NPEPPS: variants seen among roughly 807,000 people sequenced by gnomAD.
The protein encoded by NPEPPS is aminopeptidase puromycin sensitive, also known as puromycin-sensitive aminopeptidase.
A neutral mutation model predicts 115.5 loss-of-function variants in NPEPPS; 14 were observed. The observed-to-expected ratio is 0.12, with a 90% CI of 0.08 to 0.19. The LOEUF is 0.19. Among genes scored for constraint, NPEPPS ranks in the 10% least tolerant of loss-of-function variants. NPEPPS has a pLI of 1.00. For missense variants in NPEPPS, 523 were observed against 1,110.8 expected (o/e 0.47, Z 7.52); for synonymous variants, 285 against 390.6 (o/e 0.73, Z 3.19).
At chr17:47,533,012 A>G (rs1358032743) in intron 1 of NPEPPS, among the ~76,000 whole-genome samples, 1 of 152,200 alleles carries the variant, frequency 6.6e-6, no homozygotes, top group Non-Finnish European at 1.5e-5. Flanking sequence ...CTTAAAGAAC[A>G]TGGTGTATAT....
chr17:47,547,680 C>T (rs1909315011), intron 2 of NPEPPS, among the ~76,000 whole-genome samples: 2 of 152,058 alleles, frequency 1.3e-5, no homozygotes. Context: ...TTGATTTCAC[C>T]TAGACATTCC....
intron 19 of NPEPPS, among the ~76,000 whole-genome samples, chr17:47,616,489 G>A (rs904453014): frequency 1.1e-4 from 17 of 152,008 alleles, no homozygotes; most frequent in African/African-American, 4.1e-4. Flanking sequence ...TTCAAGACCA[G>A]CCTGGCCCAA....
intron 2 of NPEPPS, among the ~76,000 whole-genome samples, chr17:47,547,805 T>G (rs1398793268): frequency 2.0e-5 from 3 of 152,008 alleles, no homozygotes; most frequent in Non-Finnish European, 4.4e-5. Context: ...GGCGGGTGGA[T>G]CACAAGGTCA....
At chr17:47,594,589 ATTTT>A (rs1458693872) in intron 12 of NPEPPS, among the ~76,000 whole-genome samples, 2 of 115,194 alleles carry the variant, frequency 1.7e-5, no homozygotes, top group Non-Finnish European at 3.6e-5. Context: ...TTTGTATTTT[ATTTT>A]ATGTTATGTT....
intron 20 of NPEPPS, among the ~76,000 whole-genome samples, chr17:47,618,725 C>T (rs1291491049): frequency 6.6e-6 from 1 of 152,202 alleles, no homozygotes; most frequent in Admixed American, 6.5e-5. Context: ...TGGCTTATGC[C>T]TTTGCTTACT....
chr17:47,574,744 C>G (rs2644366), intron 3 of NPEPPS, among the ~76,000 whole-genome samples: 46 of 152,196 alleles, frequency 3.0e-4, no homozygotes, highest in African/African-American at 8.2e-4. Flanking sequence ...ACACATGACA[C>G]TGCATCTGGT....
chr17:47,612,790 G>C (rs1482466372), intron 18 of NPEPPS, among the ~76,000 whole-genome samples, 188 bp downstream of exon 18: 1 of 151,664 alleles, frequency 6.6e-6, no homozygotes, highest in Non-Finnish European at 1.5e-5. Flanking sequence ...CAGCCTCCTG[G>C]CTAGCTGATA....
chr17:47,590,599 A>G (rs1912442393), intron 9 of NPEPPS, 118 bp from the exon 10 acceptor site: 6 of 1,296,190 alleles, frequency 4.6e-6, no homozygotes, highest in Non-Finnish European at 6.2e-6. Flanking sequence ...TTTGAACTGA[A>G]TTTTAGGTCA....
intron 17 of NPEPPS, among the ~76,000 whole-genome samples, chr17:47,610,301 T>C (rs560427111): frequency 6.6e-6 from 1 of 151,986 alleles, no homozygotes; most frequent in African/African-American, 2.4e-5. Context: ...CACAAAATAC[T>C]TGGCCTTTTA....
intron 10 of NPEPPS, 122 bp downstream of exon 10, chr17:47,591,003 G>T (rs1280918185): frequency 1.4e-5 from 20 of 1,387,480 alleles, no homozygotes; most frequent in Non-Finnish European, 1.7e-5. Context: ...GATTTTACTG[G>T]TTCATATTTC....
chr17:47,555,473 G>T (rs1473694772), intron 2 of NPEPPS, among the ~76,000 whole-genome samples: 4 of 150,930 alleles, frequency 2.7e-5, no homozygotes, highest in African/African-American at 9.7e-5. Flanking sequence ...TCAGCCTCCT[G>T]AGTAGCTGGG....
chr17:47,531,485 A>C lies in NPEPPS; in HGVS notation c.185A>C (p.Asn62Thr), dbSNP rs762187418. ...ERLPADVSPI[N>T]YSLCLKPDLL... The stretch of plus-strand genomic sequence containing the variant: ...CTGCCTGCCGATGTCTCCCCCATCA[A>C]CTACAGCCTTTGCCTCAAGCCCGAC... The change falls in exon 1 of 23, where the codon AAC (asparagine) becomes ACC (threonine). Residue 62 changes from asparagine (N) to threonine (T), a missense_variant. Coordinates refer to ENST00000322157, the MANE Select transcript of NPEPPS (RefSeq NM_006310.4). 68 of 1,608,162 alleles carry C rather than the reference A, an allele frequency of 4.2e-5. No homozygotes were observed. The highest frequency in any genetic ancestry group is 5.4e-5 in the Non-Finnish European group (64 of 1,178,370).
In NPEPPS at chr17:47,619,181, G is replaced by T; in HGVS notation, c.2559+17G>T. The T allele has an allele frequency of 6.2e-7, 1 of 1,602,106 alleles. No homozygotes were observed. The highest frequency in any genetic ancestry group is 8.5e-7 in the Non-Finnish European group (1 of 1,172,090). On this transcript the variant is annotated intron_variant, in intron 21 of 22. Transcript: ENST00000322157. Reference sequence around the variant, plus strand: ...CTAATAAAGGTATGTGAAAAACTTTGAGTAGCTTGCTAATCATGGATATTA... The same window carrying T: ...CTAATAAAGGTATGTGAAAAACTTTTAGTAGCTTGCTAATCATGGATATTA...
intron 19 of NPEPPS, among the ~76,000 whole-genome samples, chr17:47,617,477 G>A (rs182467422): frequency 8.2e-4 from 123 of 149,098 alleles, no homozygotes; most frequent in African/African-American, 2.9e-3. Flanking sequence ...GATTACAGGC[G>A]TGAACCACTG....
chr17:47,593,676 C>CAT (rs1244687387), intron 12 of NPEPPS, among the ~76,000 whole-genome samples: 108 of 152,330 alleles, frequency 7.1e-4, no homozygotes, highest in African/African-American at 2.2e-3. Context: ...AATGTACTTA[C>CAT]AGAAACCTAC....
chr17:47,609,518 G>C (rs973414360), intron 17 of NPEPPS, among the ~76,000 whole-genome samples: 5 of 152,192 alleles, frequency 3.3e-5, no homozygotes, highest in African/African-American at 1.2e-4. Flanking sequence ...ATTACTTCTT[G>C]TAAGAATCAT....
chr17:47,543,047 GA>G (rs1908885039), intron 1 of NPEPPS, among the ~76,000 whole-genome samples: 1 of 150,536 alleles, frequency 6.6e-6, no homozygotes, highest in Admixed American at 6.7e-5. Context: ...TGAGGCAGGA[GA>G]ATCGCTTGAA....
chr17:47,556,103 A>G (rs963449039), intron 2 of NPEPPS, among the ~76,000 whole-genome samples: 1 of 99,472 alleles, frequency 1.0e-5, no homozygotes, highest in African/African-American at 4.1e-5. Context: ...TTAATTCATC[A>G]TTCTTGGGTG....
Position 47,544,522 on chromosome 17 carries a change from T to G in NPEPPS, c.256-1387T>G, listed in dbSNP as rs1361002377. ...TAAACGTATTTATTTATTTATTTAT[T>G]TATTTATTTATTTATTTATTTATTT... On this transcript the variant is annotated intron_variant, in intron 1 of 22. Transcript: ENST00000322157. Among the ~76,000 whole-genome samples, 6 of 149,424 alleles carry G rather than the reference T, an allele frequency of 4.0e-5. No individual in the cohort carries two copies. The South Asian group carries it at 8.4e-4, about 21-fold the overall frequency.
Sources: allele counts gnomAD v4.1 joint callset (sites outside exome capture counted in the v4.1 genomes callset), GRCh38; gene constraint gnomAD v4.1.1; transcripts MANE v1.5; gene names NCBI Gene and HGNC (gene_info 2026-07-23, HGNC 2026-07-21).